FGA: variants seen among roughly 807,000 people sequenced by gnomAD.
FGA encodes the protein fibrinogen, A alpha polypeptide.
A neutral mutation model predicts 20.3 loss-of-function variants in FGA; 20 were observed. The observed-to-expected ratio is 0.99, with a 90% CI of 0.69 to 1.43. FGA has a LOEUF of 1.43. Among genes scored for constraint, FGA ranks in the 40% most tolerant of loss-of-function variants. The pLI is 0.00. For missense variants in FGA, 777 were observed against 784.7 expected (o/e 0.99, Z 0.12); for synonymous variants, 306 against 281.6 (o/e 1.09, Z -0.87).
At chr4:154,584,402 C>A (rs765888222), downstream of FGA, 1 of 1,614,134 alleles carries the variant, frequency 6.2e-7, no homozygotes, top group Non-Finnish European at 8.5e-7. Flanking sequence ...GTGTACTCTG[C>A]CCCTTCCTCT....
chr4:154,586,021 T>C lies in FGA; in HGVS notation c.1408A>G (p.Ile470Val), dbSNP rs2110809896. The change falls in exon 5 of 5, where the codon ATT becomes GTT. Residue 470 changes from isoleucine to valine, a missense_variant. By Grantham distance (29) the Ile-to-Val change is conservative (BLOSUM62 3). Transcript: ENST00000403106. ...ACTTCTTTGTGACCATCAGGACCAATAACAGTCTTAGTAACGGTTTTAGAG... is the reference window on the plus strand; with the variant it reads ...ACTTCTTTGTGACCATCAGGACCAACAACAGTCTTAGTAACGGTTTTAGAG... ...SCSKTVTKTVIGPDGHKEVTK... is the reference protein window; with the variant it reads ...SCSKTVTKTVVGPDGHKEVTK... 1.9e-6 allele frequency: 3 copies of C among 1,614,160 alleles called. No individual in the cohort carries two copies. In the East Asian group the frequency reaches 6.7e-5, roughly 36 times the overall value.
chr4:154,588,791 A>G lies in FGA; in HGVS notation c.364+2T>C, dbSNP rs113990246. ...TCAAAGCAGTAAATATGTAATACTTACTATTGGCTGAGGAAAAATCGCCTC... is the reference window on the plus strand; with the variant it reads ...TCAAAGCAGTAAATATGTAATACTTGCTATTGGCTGAGGAAAAATCGCCTC... On this transcript the variant is annotated splice_donor_variant, in intron 3 of 4. Coordinates refer to ENST00000403106, the MANE Select transcript of FGA (RefSeq NM_021871.4). LOFTEE classifies it high-confidence loss of function. 1 of 1,597,852 alleles carries G rather than the reference A, an allele frequency of 6.3e-7. No homozygotes were observed.
Position 154,585,912 on chromosome 4 carries a change from A to C in FGA, c.1517T>G (p.Leu506Arg). Reference protein sequence around the residue: ...DLGTLSGIGTLDGFRHRHPDE... With the variant: ...DLGTLSGIGTRDGFRHRHPDE... ...AGGGTGCCTATGGCGGAACCCATCCAGAGTACCTATGCCAGACAATGTGCC... is the reference window on the plus strand; with the variant it reads ...AGGGTGCCTATGGCGGAACCCATCCCGAGTACCTATGCCAGACAATGTGCC... Residue 506 changes from leucine (L) to arginine (R), a missense_variant, in exon 5 of 5, where the codon CTG becomes CGG. Leu to Arg is a moderately radical substitution (Grantham distance 102, BLOSUM62 -2). Transcript: ENST00000403106. The C allele has an allele frequency of 6.2e-7, 1 of 1,614,090 alleles. No individual in the cohort carries two copies.
chr4:154,584,153 T>C (rs200937785), downstream of FGA: 2 of 1,614,062 alleles, frequency 1.2e-6, no homozygotes, highest in African/African-American at 2.7e-5. Context: ...CTAATTTTCA[T>C]GCGAACAGCC....
chr4:154,590,140 T>G (rs1730833595), intron 1 of FGA, among the ~76,000 whole-genome samples: 1 of 152,218 alleles, frequency 6.6e-6, no homozygotes, highest in African/African-American at 2.4e-5. Flanking sequence ...TTTCCAAAGA[T>G]AATTCGTTTG....
Position 154,588,849 on chromosome 4 carries a change from T to A in FGA, c.308A>T (p.His103Leu). 2 of 1,612,172 alleles carry A rather than the reference T, an allele frequency of 1.2e-6. No homozygotes were observed. The highest frequency in any genetic ancestry group is 1.1e-5 in the South Asian group (1 of 91,002). Residue 103 changes from histidine to leucine, a missense_variant, in exon 3 of 5, where the codon CAT (histidine) becomes CTT (leucine). Physicochemically the swap from His to Leu is moderately conservative, Grantham distance 99. Transcript: ENST00000403106. ...FEYQKNNKDS[H>L]SLTTNIMEIL... ...TTCCATTATATTAGTGGTCAACGAA[T>A]GAGAATCCTTATTGTTCTTCTGATA...
At chr4:154,587,782 AG>A in intron 3 of FGA, 125 bp from the exon 4 acceptor site, 8 of 723,310 alleles carry the variant, frequency 1.1e-5, no homozygotes, top group South Asian at 1.0e-4. Context: ...AAAGAAAGAA[AG>A]AAAGAAAGAA....
At chr4:154,584,657 G>C, downstream of FGA, 1 of 1,614,070 alleles carries the variant, frequency 6.2e-7, no homozygotes, top group Non-Finnish European at 8.5e-7. Flanking sequence ...TTGTAGTCTT[G>C]CCAGGTCCGG....
Position 154,586,507 on chromosome 4 carries a change from G to A in FGA, c.922C>T (p.Arg308Ter), listed in dbSNP as rs776817952. The part of the protein sequence containing the change: ...GSSGPGSTGN[R>*]NPGSSGTGGT... Reference sequence around the variant, plus strand: ...CCAGTCCCAGAGCTCCCAGGGTTTCGGTTTCCAGTACTTCCAGGTCCAGAG... The same window carrying A: ...CCAGTCCCAGAGCTCCCAGGGTTTCAGTTTCCAGTACTTCCAGGTCCAGAG... Residue 308 changes from arginine (R) to a stop codon, truncating the protein, a stop_gained, in exon 5 of 5, where the codon CGA (arginine) becomes TGA (stop). Coordinates refer to ENST00000403106, the MANE Select transcript of FGA (RefSeq NM_021871.4). LOFTEE classifies it low-confidence loss of function (END_TRUNC). 4.3e-6 allele frequency: 7 copies of A among 1,613,618 alleles called. No homozygotes were observed. In the South Asian group the frequency reaches 5.5e-5, roughly 13 times the overall value.
chr4:154,586,854 A>G lies in FGA; in HGVS notation c.575T>C (p.Val192Ala), dbSNP rs894362558. ...CTGATCTTCATAGTCCTTCAGATCT[A>G]CTTCACGAGCTAAAGCCCTACTGCA... ...GSCSRALARE[V>A]DLKDYEDQQK... The change falls in exon 5 of 5, where the codon GTA (valine) becomes GCA (alanine). Residue 192 changes from valine to alanine, a missense_variant. Val to Ala is a moderately conservative substitution (Grantham distance 64). Transcript: ENST00000403106. 2 of 1,614,140 alleles carry G rather than the reference A, an allele frequency of 1.2e-6. No homozygotes were observed. The highest frequency in any genetic ancestry group is 1.1e-5 in the South Asian group (1 of 91,082).
At chr4:154,589,323 T>C in intron 2 of FGA, 114 bp downstream of exon 2, 1 of 1,251,696 alleles carries the variant, frequency 8.0e-7, no homozygotes, top group South Asian at 1.2e-5. Context: ...GCTATGTAGG[T>C]AACTATTCAA....
chr4:154,584,794 TG>T, downstream of FGA: 1 of 1,613,980 alleles, frequency 6.2e-7, no homozygotes, highest in Non-Finnish European at 8.5e-7. Context: ...AATGCCACTT[TG>T]GGTACCTGAA....
In FGA at chr4:154,585,634, T is replaced by C. The variant is rs771235576; in HGVS notation, c.1795A>G (p.Lys599Glu). ...YNRGDSTFES[K>E]SYKMADEAGS... ...GCCTCATCTGCCATTTTATAGCTCT[T>C]GCTTTCAAATGTGGAGTCTCCTCTG... Residue 599 changes from lysine to glutamate, a missense_variant, in exon 5 of 5, where the codon AAG becomes GAG. Transcript: ENST00000403106. 1.2e-6 allele frequency: 2 copies of C among 1,614,162 alleles called. No individual in the cohort carries two copies. Among genetic ancestry groups the C allele is most frequent in the South Asian group, 2.2e-5 (2 of 91,084 alleles).
At position 154,586,888 on chromosome 4, in the gene FGA, G is replaced by A. The variant is rs199717989; in HGVS notation, c.541C>T (p.Arg181Ter). 8 of 1,613,838 alleles carry A rather than the reference G, an allele frequency of 5.0e-6. No homozygotes were observed. In the Admixed American group the frequency reaches 6.7e-5, roughly 13 times the overall value. Residue 181 changes from arginine (R) to a stop codon, truncating the protein, a stop_gained, in exon 5 of 5, where the codon CGA becomes TGA. Transcript: ENST00000403106. LOFTEE classifies it low-confidence loss of function (END_TRUNC). The part of the protein sequence containing the change: ...VDIDIKIRSC[R>*]GSCSRALARE... ...GCTAAAGCCCTACTGCATGACCCTC[G>A]ACAAGATCGGATCTTAATATCAATG...
downstream of FGA, chr4:154,584,332 T>G (rs768839775): frequency 8.1e-6 from 13 of 1,614,014 alleles, no homozygotes; most frequent in Non-Finnish European, 1.0e-5. Context: ...TTCTGCACAG[T>G]TCTCTTCCCA....
chr4:154,584,034 T>G, downstream of FGA: 1 of 1,037,606 alleles, frequency 9.6e-7, no homozygotes, highest in East Asian at 2.4e-5. Context: ...TTTTTTAGGT[T>G]GTAGAGAATC....
At position 154,588,803 on chromosome 4, in the gene FGA, G is replaced by A. The variant is rs1730797865; in HGVS notation, c.354C>T (p.Ser118=). 8 of 1,608,622 alleles carry A rather than the reference G, an allele frequency of 5.0e-6. No individual in the cohort carries two copies. The East Asian group carries it at 1.1e-4, about 22-fold the overall frequency. Residue 118 remains serine, a synonymous_variant, in exon 3 of 5, where the codon TCC becomes TCT. Coordinates refer to ENST00000403106, the MANE Select transcript of FGA (RefSeq NM_021871.4). ...ATATGTAATACTTACTATTGGCTGA[G>A]GAAAAATCGCCTCTCAAAATTTCCA... is the stretch of plus-strand genomic sequence containing the variant. ...NIMEILRGDF[S]SANNRDNTYN...
chr4:154,589,432 C>T lies in FGA; in HGVS notation c.180+5G>A. ...AATCTCCTGCTTCCCCCGCTGACTG[C>T]TTACCCAGTCTTCATCAGAGCAGAA... On this transcript the variant is annotated splice_donor_5th_base_variant and intron_variant, in intron 2 of 4. Coordinates refer to ENST00000403106, the MANE Select transcript of FGA (RefSeq NM_021871.4). The T allele has an allele frequency of 6.2e-7, 1 of 1,613,926 alleles. No homozygotes were observed. Among genetic ancestry groups the T allele is most frequent in the Non-Finnish European group, 8.5e-7 (1 of 1,180,002 alleles).
At position 154,590,707 on chromosome 4, in the gene FGA, G is replaced by T; in HGVS notation, c.-20C>A. The stretch of plus-strand genomic sequence containing the variant: ...AAACATCTTTTCTAAGGGTGGGGCT[G>T]GCTCCTGAGGAGCACTCCAGCTGAA... On this transcript the variant is annotated 5_prime_UTR_variant, in exon 1 of 5. Coordinates refer to ENST00000403106, the MANE Select transcript of FGA (RefSeq NM_021871.4). The T allele has an allele frequency of 1.3e-6, 2 of 1,547,956 alleles. No individual in the cohort carries two copies. The highest frequency in any genetic ancestry group is 1.7e-6 in the Non-Finnish European group (2 of 1,143,146).
Sources: gnomAD v4.1 joint callset for allele counts (sites outside exome capture counted in the v4.1 genomes callset) on GRCh38, gnomAD v4.1.1 for gene constraint, MANE v1.5 for transcripts, NCBI Gene and HGNC (gene_info 2026-07-23, HGNC 2026-07-21) for gene names.